Variants in TRPC4 observed in about 807,000 individuals in gnomAD.
TRPC4 encodes short transient receptor potential channel 4.
In TRPC4, 49 loss-of-function variants were observed where a neutral mutation model predicts 99.4. The ratio of observed to expected loss-of-function variants is 0.49; its 90% CI spans 0.39 to 0.63. The LOEUF (loss-of-function observed/expected upper bound fraction) is 0.63, where lower values mean the gene tolerates loss of function less well. Among genes scored for constraint, TRPC4 ranks in the 20% least tolerant of loss-of-function variants. The pLI is 0.00. For synonymous variants in TRPC4, 454 were observed against 425.9 expected, an observed-to-expected ratio of 1.07 and a Z score of -0.81; for missense variants, 898 against 1,152.9, an observed-to-expected ratio of 0.78 and a Z score of 3.20.
chr13:37,746,112 T>C lies in TRPC4; in HGVS notation c.722A>G (p.Tyr241Cys). 1 of 1,613,962 alleles carries C rather than the reference T, an allele frequency of 6.2e-7. No homozygotes were observed. The highest frequency in any genetic ancestry group is 1.1e-5 in the South Asian group (1 of 91,082). ...SKVENEFKSE[Y>C]EELSRQCKQF... ...TTTGCACTGCCGTGACAGCTCTTCA[T>C]ACTCCGACTTGAATTCATTTTCCAC... is the stretch of plus-strand genomic sequence containing the variant. The change falls in exon 3 of 11, where the codon TAT (tyrosine) becomes TGT (cysteine). Residue 241 changes from tyrosine to cysteine, a missense_variant. Tyr to Cys is a radical substitution (Grantham distance 194). Transcript: ENST00000379705.
chr13:37,694,621 AT>A (rs1211989350), intron 3 of TRPC4, among the ~76,000 whole-genome samples: 2 of 152,178 alleles, frequency 1.3e-5, no homozygotes, highest in Non-Finnish European at 2.9e-5. Flanking sequence ...GTTAGCCATG[AT>A]TTTTTATTTA....
At chr13:37,768,520 GA>G (rs34219781) in intron 2 of TRPC4, among the ~76,000 whole-genome samples, 88,717 of 151,118 alleles carry the variant, frequency 0.59, 26,685 homozygotes, top group Middle Eastern at 0.69. Context: ...GGAGGAGAAA[GA>G]AAAAGGACTT....
Position 37,779,635 on chromosome 13 carries a change from G to T in TRPC4, c.378+3321C>A, listed in dbSNP as rs527676713. 2.6e-5 allele frequency among the ~76,000 whole-genome samples: 4 copies of T among 152,064 alleles called. No homozygotes were observed. In the South Asian group the frequency reaches 8.3e-4, roughly 32 times the overall value. ...CAAAAAGAAAACCAATGTCAGAACT[G>T]CAGGAAGATAAGGTGATTTTATTTG... On this transcript the variant is annotated intron_variant, in intron 2 of 10. Coordinates refer to ENST00000379705, the MANE Select transcript of TRPC4 (RefSeq NM_016179.4).
Position 37,637,131 on chromosome 13 carries a change from G to A in TRPC4, c.2706C>T (p.Leu902=), listed in dbSNP as rs778212234. ...GGTCTACTAACACACATTGTTCACTGAGACCGGGAATGCTCAGGTCACCCC... is the reference window on the plus strand; with the variant it reads ...GGTCTACTAACACACATTGTTCACTAAGACCGGGAATGCTCAGGTCACCCC... ...ASRGDLSIPG[L]SEQCVLVDHR... The change falls in exon 11 of 11, where the codon CTC becomes CTT. Residue 902 remains leucine, a synonymous_variant. Coordinates refer to ENST00000379705, the MANE Select transcript of TRPC4 (RefSeq NM_016179.4). 4 of 1,613,794 alleles carry A rather than the reference G, an allele frequency of 2.5e-6. No individual in the cohort carries two copies. The Admixed American group carries it at 5.0e-5, about 20-fold the overall frequency.
At chr13:37,777,257 C>A (rs1013407260) in intron 2 of TRPC4, among the ~76,000 whole-genome samples, 1 of 151,868 alleles carries the variant, frequency 6.6e-6, no homozygotes, top group East Asian at 1.9e-4. Flanking sequence ...TTAATTGACT[C>A]ACAGTTCCAC....
intron 1 of TRPC4, among the ~76,000 whole-genome samples, chr13:37,816,524 T>C (rs1041614747): frequency 6.6e-6 from 1 of 151,980 alleles, no homozygotes; most frequent in Non-Finnish European, 1.5e-5. Flanking sequence ...CCCTAACTCA[T>C]TCAATGAGGC....
At chr13:37,759,945 A>G (rs1246405760) in intron 2 of TRPC4, among the ~76,000 whole-genome samples, 2 of 152,054 alleles carry the variant, frequency 1.3e-5, no homozygotes, top group East Asian at 3.9e-4. Flanking sequence ...AAGTTTGAAC[A>G]AATTGTAGAA....
chr13:37,634,618 CAG>C lies in TRPC4; in HGVS notation c.*2283_*2284del, dbSNP rs562496231. ...CTGTTATTGGTGTTGCTTGACGGAA[CAG>C]AGAGAATTTGAAATTAAATTCTGGT... On this transcript the variant is annotated 3_prime_UTR_variant, in exon 11 of 11. Coordinates refer to ENST00000379705, the MANE Select transcript of TRPC4 (RefSeq NM_016179.4). Among the ~76,000 whole-genome samples, 1 of 151,872 alleles carries C rather than the reference CAG, an allele frequency of 6.6e-6. No homozygotes were observed. Among genetic ancestry groups the C allele is most frequent in the African/African-American group, 2.4e-5 (1 of 41,382 alleles).
rs766465067 is a variant in TRPC4 at position 37,663,017 on chromosome 13, G to GA, written c.1688+398dup. Among the ~76,000 whole-genome samples, 36 of 152,138 alleles carry GA rather than the reference G, an allele frequency of 2.4e-4. 1 individual carries two copies. Among genetic ancestry groups the GA allele is most frequent in the Admixed American group, 5.9e-4 (9 of 15,280 alleles). On this transcript the variant is annotated intron_variant, in intron 6 of 10. Transcript: ENST00000379705. ...ATACATAAACGGACTTTAGTACCTGGAAAACACATGAGGAAATATTGAAAT... is the reference window on the plus strand; with the variant it reads ...ATACATAAACGGACTTTAGTACCTGGAAAAACACATGAGGAAATATTGAAAT...
intron 3 of TRPC4, among the ~76,000 whole-genome samples, chr13:37,714,399 T>C (rs1303595405): frequency 1.3e-5 from 2 of 152,188 alleles, no homozygotes; most frequent in African/African-American, 2.4e-5. Context: ...AGCGCTGGGA[T>C]TACAGGCGTA....
chr13:37,820,144 C>A (rs1957972875), intron 1 of TRPC4, among the ~76,000 whole-genome samples: 1 of 151,838 alleles, frequency 6.6e-6, no homozygotes, highest in African/African-American at 2.4e-5. Flanking sequence ...ACAAAAAATT[C>A]CTTAGAGTCT....
intron 8 of TRPC4, among the ~76,000 whole-genome samples, chr13:37,639,849 AAC>A (rs1566060329): frequency 6.6e-6 from 1 of 151,752 alleles, no homozygotes; most frequent in Non-Finnish European, 1.5e-5. Flanking sequence ...ATTCTGTTGA[AAC>A]ACAGCATTTA....
chr13:37,816,793 C>A (rs187350880), intron 1 of TRPC4, among the ~76,000 whole-genome samples: 242 of 151,928 alleles, frequency 1.6e-3, no homozygotes, highest in Non-Finnish European at 2.7e-3. Flanking sequence ...TCTCAATAGA[C>A]ACAGAAAAGG....
At chr13:37,860,899 G>T (rs12584216) in intron 1 of TRPC4, among the ~76,000 whole-genome samples, 4 of 151,130 alleles carry the variant, frequency 2.6e-5, no homozygotes, top group Non-Finnish European at 5.9e-5. Context: ...CGCTGTCTTC[G>T]GTTTACTTAT....
At chr13:37,757,485 T>G (rs544621810) in intron 2 of TRPC4, among the ~76,000 whole-genome samples, 4 of 152,080 alleles carry the variant, frequency 2.6e-5, no homozygotes, top group Non-Finnish European at 5.9e-5. Context: ...CAGATAGTTG[T>G]TTTTTAGGAG....
At chr13:37,727,970 A>T (rs1955116889) in intron 3 of TRPC4, among the ~76,000 whole-genome samples, 1 of 152,108 alleles carries the variant, frequency 6.6e-6, no homozygotes, top group Non-Finnish European at 1.5e-5. Flanking sequence ...GATTCAGGAA[A>T]ATTATTTGAC....
At position 37,634,718 on chromosome 13, in the gene TRPC4, G is replaced by C. The variant is rs552730664; in HGVS notation, c.*2185C>G. Among the ~76,000 whole-genome samples, 24 of 152,172 alleles carry C rather than the reference G, an allele frequency of 1.6e-4. No homozygotes were observed. The highest frequency in any genetic ancestry group is 4.6e-4 in the Admixed American group (7 of 15,248). Reference sequence around the variant, plus strand: ...CAAAATAAAACAACAACGCACAAGAGAGGCAAAAAGAAATTAATAGAAAAT... The same window carrying C: ...CAAAATAAAACAACAACGCACAAGACAGGCAAAAAGAAATTAATAGAAAAT... On this transcript the variant is annotated 3_prime_UTR_variant, in exon 11 of 11. Transcript: ENST00000379705.
intron 5 of TRPC4, among the ~76,000 whole-genome samples, chr13:37,664,882 G>C (rs1341608903): frequency 6.6e-6 from 1 of 152,160 alleles, no homozygotes; most frequent in Admixed American, 6.5e-5. Flanking sequence ...GGGAGACAAT[G>C]TATTATAGGC....
At chr13:37,688,039 A>G (rs908941354) in intron 4 of TRPC4, among the ~76,000 whole-genome samples, 2 of 152,222 alleles carry the variant, frequency 1.3e-5, no homozygotes, top group Non-Finnish European at 2.9e-5. Flanking sequence ...TGGTCCCTGT[A>G]AAGCTTTTTG....
Sources: gnomAD v4.1 joint callset for allele counts (sites outside exome capture counted in the v4.1 genomes callset) on GRCh38, gnomAD v4.1.1 for gene constraint, MANE v1.5 for transcripts, NCBI Gene and HGNC (gene_info 2026-07-23, HGNC 2026-07-21) for gene names.